Variants in ENDOG observed in about 807,000 individuals in gnomAD.
ENDOG encodes the protein endonuclease G, mitochondrial.
A neutral mutation model predicts 22.6 loss-of-function variants in ENDOG; 22 were observed. The observed-to-expected ratio is 0.97, with a 90% CI of 0.70 to 1.39. The LOEUF (loss-of-function observed/expected upper bound fraction) is 1.39. Among genes scored for constraint, ENDOG ranks in the 40% most tolerant of loss-of-function variants. ENDOG has a pLI of 0.00. For missense variants in ENDOG, 403 were observed against 431.3 expected (o/e 0.93, Z 0.58); for synonymous variants, 173 against 200.2 (o/e 0.86, Z 1.15).
Position 128,818,975 on chromosome 9 carries a change from G to C in ENDOG, c.291G>C (p.Glu97Asp). The change falls in exon 1 of 3, where the codon GAG (glutamate) becomes GAC (aspartate). Residue 97 changes from glutamate (E) to aspartate (D), a missense_variant. Coordinates refer to ENST00000372642, the MANE Select transcript of ENDOG (RefSeq NM_004435.2). ...CCCGCGGCGCGCTCTGGGTGGTGGAGCAGCTGCGACCCGAGCGTCTCCGCG... is the reference window on the plus strand; with the variant it reads ...CCCGCGGCGCGCTCTGGGTGGTGGACCAGCTGCGACCCGAGCGTCTCCGCG... ...PRTRGALWVV[E>D]QLRPERLRGD... 6.7e-7 allele frequency: 1 copy of C among 1,493,228 alleles called. No individual in the cohort carries two copies. The highest frequency in any genetic ancestry group is 8.9e-7 in the Non-Finnish European group (1 of 1,129,582). The allele number at this position is 1,493,228 out of a possible 1,614,324, so 92.5% of individuals were successfully genotyped here. A position where few individuals can be genotyped will look rare whatever the true frequency, so the allele number is the denominator to read the frequency against.
chr9:128,822,190 G>C (rs977738975), intron 2 of ENDOG, 138 bp from the exon 3 acceptor site: 2 of 1,006,674 alleles, frequency 2.0e-6, no homozygotes, highest in Admixed American at 2.7e-5. Context: ...AGCCAGGCAG[G>C]CTACAGAAGT....
At position 128,818,788 on chromosome 9, in the gene ENDOG, G is replaced by A. The variant is rs1830047079; in HGVS notation, c.104G>A (p.Gly35Glu). 1.7e-6 allele frequency: 2 copies of A among 1,210,940 alleles called. No homozygotes were observed. 75.0% of individuals were successfully genotyped at this position (1,210,940 alleles called of 1,614,324 possible). ...RRREDARAAPGLLGRLPVLPV... is the reference protein window; with the variant it reads ...RRREDARAAPELLGRLPVLPV... ...CGGGAGGACGCGCGGGCGGCGCCGG[G>A]ACTGCTGGGCCGGCTGCCCGTGCTG... Residue 35 changes from glycine to glutamate, a missense_variant, in exon 1 of 3, where the codon GGA (glycine) becomes GAA (glutamate). Coordinates refer to ENST00000372642, the MANE Select transcript of ENDOG (RefSeq NM_004435.2).
At chr9:128,819,479 G>T (rs1830061963) in intron 1 of ENDOG, among the ~76,000 whole-genome samples, 1 of 152,188 alleles carries the variant, frequency 6.6e-6, no homozygotes, top group Non-Finnish European at 1.5e-5. Flanking sequence ...TAGTGATGAG[G>T]CGCTGAGGCT....
intron 2 of ENDOG, chr9:128,821,156 C>G (rs1830106031): frequency 2.4e-6 from 1 of 414,646 alleles, no homozygotes; most frequent in Non-Finnish European, 4.5e-6. Context: ...AATATGGAAC[C>G]CCCCGCAGGT....
At chr9:128,822,306 G>A (rs769084269) in intron 2 of ENDOG, 22 bp from the exon 3 acceptor site, 21 of 1,606,384 alleles carry the variant, frequency 1.3e-5, no homozygotes, top group African/African-American at 5.3e-5. Context: ...CCCTGCCCAC[G>A]TGTGCCTGGG....
chr9:128,819,364 C>T (rs1830059369), intron 1 of ENDOG, among the ~76,000 whole-genome samples, 179 bp downstream of exon 1: 1 of 152,232 alleles, frequency 6.6e-6, no homozygotes, highest in African/African-American at 2.4e-5. Context: ...GTCTGCAGGC[C>T]GACCAGGGCT....
chr9:128,818,515 C>T lies in ENDOG; in HGVS notation c.-170C>T, dbSNP rs554382816. 1.5e-5 allele frequency: 11 copies of T among 756,378 alleles called. No homozygotes were observed. The East Asian group carries it at 7.6e-4, about 52-fold the overall frequency. The allele number at this position is 756,378 out of a possible 1,614,324, so 46.9% of individuals were successfully genotyped here. Reference sequence around the variant, plus strand: ...GACGCCGGGGACACCCGGTTGGGCTCTGCTGCTCCCTTCTGGGTTCCGAGG... The same window carrying T: ...GACGCCGGGGACACCCGGTTGGGCTTTGCTGCTCCCTTCTGGGTTCCGAGG... On this transcript the variant is annotated 5_prime_UTR_variant, in exon 1 of 3. Coordinates refer to ENST00000372642, the MANE Select transcript of ENDOG (RefSeq NM_004435.2).
chr9:128,818,733 G>A lies in ENDOG; in HGVS notation c.49G>A (p.Gly17Ser), dbSNP rs1227628236. 1.7e-5 allele frequency: 20 copies of A among 1,176,680 alleles called. No individual in the cohort carries two copies. Among genetic ancestry groups the A allele is most frequent in the Non-Finnish European group, 1.9e-5 (18 of 953,182 alleles). The allele number at this position is 1,176,680 out of a possible 1,614,324, so 72.9% of individuals were successfully genotyped here. The change falls in exon 1 of 3, where the codon GGT becomes AGT. Residue 17 changes from glycine (G) to serine (S), a missense_variant. By Grantham distance (56) the Gly-to-Ser change is moderately conservative. Coordinates refer to ENST00000372642, the MANE Select transcript of ENDOG (RefSeq NM_004435.2). ...GACCCTGGCGTCGGGCGCGGGGCTG[G>A]GTGCGGTCGTCGAGGGCTGGCGGCG... ...GLTLASGAGL[G>S]AVVEGWRRRR...
Position 128,818,816 on chromosome 9 carries a change from C to G in ENDOG, c.132C>G (p.Pro44=). 1 of 1,290,494 alleles carries G rather than the reference C, an allele frequency of 7.7e-7. No homozygotes were observed. The highest frequency in any genetic ancestry group is 3.0e-4 in the Middle Eastern group (1 of 3,358). The allele number at this position is 1,290,494 out of a possible 1,614,324, so 79.9% of individuals were successfully genotyped here. Residue 44 remains proline, a synonymous_variant, in exon 1 of 3, where the codon CCC becomes CCG. Coordinates refer to ENST00000372642, the MANE Select transcript of ENDOG (RefSeq NM_004435.2). Reference sequence around the variant, plus strand: ...TGCTGGGCCGGCTGCCCGTGCTGCCCGTGGCGGCGGCAGCCGAGTTGCCCC... The same window carrying G: ...TGCTGGGCCGGCTGCCCGTGCTGCCGGTGGCGGCGGCAGCCGAGTTGCCCC... The part of the protein sequence containing the change: ...PGLLGRLPVL[P]VAAAAELPPV...
intron 1 of ENDOG, chr9:128,820,385 A>C: frequency 4.5e-6 from 1 of 224,054 alleles, no homozygotes; most frequent in Non-Finnish European, 8.8e-6. Context: ...CAGACTGGGA[A>C]AAGGAACGGG....
chr9:128,820,611 C>T (rs1168835105), intron 1 of ENDOG, 128 bp from the exon 2 acceptor site: 1 of 745,886 alleles, frequency 1.3e-6, no homozygotes, highest in African/African-American at 1.8e-5. Flanking sequence ...CCTTGAGCCT[C>T]AGTTTCCCCC....
rs759763346 is a variant in ENDOG, at chr9:128,820,783, T to G, written c.546T>G (p.Tyr182Ter). The change falls in exon 2 of 3, where the codon TAT (tyrosine) becomes TAG (stop). Residue 182 changes from tyrosine (Y) to a stop codon, truncating the protein, a stop_gained. Coordinates refer to ENST00000372642, the MANE Select transcript of ENDOG (RefSeq NM_004435.2). LOFTEE classifies it high-confidence loss of function. ...NQNAWNNLEK[Y>*]SRSLTRSYQN... ...ATGCCTGGAACAACCTGGAGAAATA[T>G]AGCCGCAGCTTGACCCGCAGCTACC... The G allele has an allele frequency of 1.2e-6, 2 of 1,612,420 alleles. No homozygotes were observed. The highest frequency in any genetic ancestry group is 1.7e-6 in the Non-Finnish European group (2 of 1,179,300).
In ENDOG at chr9:128,818,791, T is replaced by G. The variant is rs1209636964; in HGVS notation, c.107T>G (p.Leu36Arg). 8.1e-7 allele frequency: 1 copy of G among 1,233,176 alleles called. No individual in the cohort carries two copies. The highest frequency in any genetic ancestry group is 1.6e-5 in the African/African-American group (1 of 63,234). 76.4% of individuals were successfully genotyped at this position (1,233,176 alleles called of 1,614,324 possible). Residue 36 changes from leucine to arginine, a missense_variant, in exon 1 of 3, where the codon CTG (leucine) becomes CGG (arginine). Physicochemically the swap from Leu to Arg is moderately radical, Grantham distance 102. Coordinates refer to ENST00000372642, the MANE Select transcript of ENDOG (RefSeq NM_004435.2). ...GAGGACGCGCGGGCGGCGCCGGGAC[T>G]GCTGGGCCGGCTGCCCGTGCTGCCC... ...RREDARAAPGLLGRLPVLPVA... is the reference protein window; with the variant it reads ...RREDARAAPGRLGRLPVLPVA...
In ENDOG at chr9:128,818,911, A is replaced by C; in HGVS notation, c.227A>C (p.Lys76Thr). ...GGGCTGCCGGGGCTGGCGCAGCTCA[A>C]GAGCCGCGAGTCGTACGTGCTGTGC... ...KYGLPGLAQL[K>T]SRESYVLCYD... is the part of the protein sequence containing the mutation. Residue 76 changes from lysine to threonine, a missense_variant, in exon 1 of 3, where the codon AAG becomes ACG. Coordinates refer to ENST00000372642, the MANE Select transcript of ENDOG (RefSeq NM_004435.2). 2 of 1,477,046 alleles carry C rather than the reference A, an allele frequency of 1.4e-6. No individual in the cohort carries two copies. The highest frequency in any genetic ancestry group is 8.9e-7 in the Non-Finnish European group (1 of 1,122,380). 91.5% of individuals were successfully genotyped at this position (1,477,046 alleles called of 1,614,324 possible).
At position 128,819,061 on chromosome 9, in the gene ENDOG, G is replaced by T. The variant is rs562513988; in HGVS notation, c.377G>T (p.Arg126Leu). Residue 126 changes from arginine to leucine, a missense_variant, in exon 1 of 3, where the codon CGT becomes CTT. Arg to Leu is a moderately radical substitution (Grantham distance 102, BLOSUM62 -2). Coordinates refer to ENST00000372642, the MANE Select transcript of ENDOG (RefSeq NM_004435.2). ...GACGACTCGGTGCACGCGTACCACC[G>T]TGCCACCAACGCCGACTACCGCGGC... ...REDDSVHAYH[R>L]ATNADYRGSG... 16 of 1,517,288 alleles carry T rather than the reference G, an allele frequency of 1.1e-5. No homozygotes were observed. The East Asian group carries it at 4.0e-4, about 37-fold the overall frequency. 94.0% of individuals were successfully genotyped at this position (1,517,288 alleles called of 1,614,324 possible). A position where few individuals can be genotyped will look rare whatever the true frequency, so the allele number is the denominator to read the frequency against.
At position 128,818,897 on chromosome 9, in the gene ENDOG, G is replaced by A; in HGVS notation, c.213G>A (p.Gly71=). Residue 71 remains glycine (G), a synonymous_variant, in exon 1 of 3, where the codon GGG becomes GGA. Coordinates refer to ENST00000372642, the MANE Select transcript of ENDOG (RefSeq NM_004435.2). Reference sequence around the variant, plus strand: ...AGCTGGCCAAGTACGGGCTGCCGGGGCTGGCGCAGCTCAAGAGCCGCGAGT... The same window carrying A: ...AGCTGGCCAAGTACGGGCTGCCGGGACTGGCGCAGCTCAAGAGCCGCGAGT... ...PGELAKYGLP[G]LAQLKSRESY... 2 of 1,470,060 alleles carry A rather than the reference G, an allele frequency of 1.4e-6. No homozygotes were observed. The highest frequency in any genetic ancestry group is 2.3e-4 in the Middle Eastern group (1 of 4,314). The allele number at this position is 1,470,060 out of a possible 1,614,324, so 91.1% of individuals were successfully genotyped here.
chr9:128,822,474 C>T lies in ENDOG; in HGVS notation c.758C>T (p.Pro253Leu). The change falls in exon 3 of 3, where the codon CCT (proline) becomes CTT (leucine). Residue 253 changes from proline (P) to leucine (L), a missense_variant. Pro to Leu is a moderately conservative substitution (Grantham distance 98). Coordinates refer to ENST00000372642, the MANE Select transcript of ENDOG (RefSeq NM_004435.2). The stretch of plus-strand genomic sequence containing the variant: ...CGCACCTACGTGATGCCCAACGCAC[C>T]TGTGGATGAGGCCATCCCACTGGAG... ...ELRTYVMPNA[P>L]VDEAIPLERF... 6.4e-7 allele frequency: 1 copy of T among 1,571,192 alleles called. No homozygotes were observed. Among genetic ancestry groups the T allele is most frequent in the African/African-American group, 1.3e-5 (1 of 74,084 alleles).
intron 2 of ENDOG, 30 bp downstream of exon 2, chr9:128,820,878 C>A: frequency 1.3e-6 from 2 of 1,573,888 alleles, no homozygotes; most frequent in African/African-American, 2.7e-5. Flanking sequence ...GGCGGCAGAA[C>A]CTCCCACTCA....
At chr9:128,822,106 G>A (rs1301832616) in intron 2 of ENDOG, 2 of 594,646 alleles carry the variant, frequency 3.4e-6, no homozygotes, top group East Asian at 5.7e-5. Flanking sequence ...CACTCTGCCT[G>A]ACCCAGTGTT....
Sources: gnomAD v4.1 joint callset for allele counts (sites outside exome capture counted in the v4.1 genomes callset) on GRCh38, gnomAD v4.1.1 for gene constraint, MANE v1.5 for transcripts, NCBI Gene and HGNC (gene_info 2026-07-23, HGNC 2026-07-21) for gene names.